The following PTPRT variants were observed in gnomAD, a reference collection of about 807,000 sequenced individuals.
PTPRT encodes the protein receptor-type tyrosine-protein phosphatase T.
PTPRT carries 56 observed loss-of-function variants against 176.8 expected under a neutral mutation model. That is an observed-to-expected ratio of 0.32 (90% CI 0.26 to 0.40). PTPRT has a LOEUF of 0.40. Among genes scored for constraint, PTPRT ranks in the 10% least tolerant of loss-of-function variants. PTPRT has a pLI of 1.00. For synonymous variants in PTPRT, 783 were observed against 739.0 expected, an observed-to-expected ratio of 1.06 and a Z score of -0.96; for missense variants, 1,540 against 1,908.2, an observed-to-expected ratio of 0.81 and a Z score of 3.60.
At chr20:42,147,032 G>A (rs1161461399) in intron 17 of PTPRT, among the ~76,000 whole-genome samples, 2 of 151,968 alleles carry the variant, frequency 1.3e-5, no homozygotes, top group African/African-American at 4.8e-5. Context: ...TGCATCCCCA[G>A]GTAAAGCCAG....
At chr20:42,232,630 T>C (rs2056157346) in intron 15 of PTPRT, among the ~76,000 whole-genome samples, 1 of 150,436 alleles carries the variant, frequency 6.6e-6, no homozygotes, top group Admixed American at 6.6e-5. Flanking sequence ...CTCTCCCTCC[T>C]CCCCCACTCC....
At chr20:42,287,021 C>T (rs775646412) in intron 12 of PTPRT, among the ~76,000 whole-genome samples, 2 of 151,920 alleles carry the variant, frequency 1.3e-5, no homozygotes, top group South Asian at 2.1e-4. Context: ...CAGGGACATG[C>T]CAATTAAAAC....
intron 1 of PTPRT, among the ~76,000 whole-genome samples, chr20:42,949,131 A>G (rs1981071338): frequency 6.6e-6 from 1 of 152,220 alleles, no homozygotes; most frequent in South Asian, 2.1e-4. Flanking sequence ...GGGGAAACTT[A>G]TCTCCAAGAT....
At chr20:42,709,049 A>G (rs1357030878) in intron 6 of PTPRT, among the ~76,000 whole-genome samples, 1 of 152,200 alleles carries the variant, frequency 6.6e-6, no homozygotes. Flanking sequence ...TCCAAATACT[A>G]CATGGTGTAA....
In PTPRT at chr20:43,044,575, C is replaced by T. The variant is rs115991628; in HGVS notation, c.88+145071G>A. Among the ~76,000 whole-genome samples the T allele has an allele frequency of 2.4e-3, 358 of 152,264 alleles. 1 individual carries two copies. The highest frequency in any genetic ancestry group is 7.9e-3 in the African/African-American group (327 of 41,560). ...AACACAGATGGCATGGATTCAAGTCCGGCCTCAGCACCTCCCTGCCGCATG... is the reference window on the plus strand; with the variant it reads ...AACACAGATGGCATGGATTCAAGTCTGGCCTCAGCACCTCCCTGCCGCATG... On this transcript the variant is annotated intron_variant, in intron 1 of 30. Coordinates refer to ENST00000373187, the MANE Select transcript of PTPRT (RefSeq NM_007050.6).
intron 16 of PTPRT, among the ~76,000 whole-genome samples, chr20:42,194,855 A>G (rs1416939934): frequency 6.6e-6 from 1 of 152,212 alleles, no homozygotes; most frequent in Non-Finnish European, 1.5e-5. Context: ...CCTATACAAT[A>G]TTAGAAGGTT....
chr20:42,082,196 T>C (rs927198039), intron 29 of PTPRT, among the ~76,000 whole-genome samples, 179 bp from the exon 30 acceptor site: 1 of 152,234 alleles, frequency 6.6e-6, no homozygotes, highest in African/African-American at 2.4e-5. Context: ...TGCCATTAAC[T>C]TGCTTTGACC....
At chr20:42,530,266 G>A (rs2072357658) in intron 7 of PTPRT, among the ~76,000 whole-genome samples, 1 of 152,204 alleles carries the variant, frequency 6.6e-6, no homozygotes, top group African/African-American at 2.4e-5. Flanking sequence ...TTCTTTCACA[G>A]AAAGTGGGTC....
chr20:42,469,593 G>A (rs1333378067), intron 8 of PTPRT, among the ~76,000 whole-genome samples: 5 of 152,174 alleles, frequency 3.3e-5, no homozygotes, highest in Admixed American at 3.3e-4. Flanking sequence ...TACATTGTCT[G>A]ACAGCGCACA....
At chr20:43,153,298 A>C (rs960787455) in intron 1 of PTPRT, among the ~76,000 whole-genome samples, 1 of 152,260 alleles carries the variant, frequency 6.6e-6, no homozygotes, top group Non-Finnish European at 1.5e-5. Flanking sequence ...GTCAGAAAGG[A>C]TACACACAGA....
chr20:43,154,711 C>T (rs888214896), intron 1 of PTPRT, among the ~76,000 whole-genome samples: 2 of 152,066 alleles, frequency 1.3e-5, no homozygotes, highest in East Asian at 1.9e-4. Context: ...GGAATTGCAT[C>T]GAACTAAAAA....
chr20:42,044,213 T>C, the PTPRT span, among the ~76,000 whole-genome samples: 1 of 152,252 alleles, frequency 6.6e-6, no homozygotes, highest in Admixed American at 6.5e-5. Flanking sequence ...AGTTGGACTC[T>C]GTGGGCAGCT....
chr20:43,126,935 GA>G (rs1264420292), intron 1 of PTPRT, among the ~76,000 whole-genome samples: 1 of 152,126 alleles, frequency 6.6e-6, no homozygotes, highest in African/African-American at 2.4e-5. Context: ...CATCGAAACG[GA>G]ATCAACTGCA....
At chr20:42,791,144 T>C (rs1329615278) in intron 3 of PTPRT, 51 bp downstream of exon 3, 1 of 1,529,550 alleles carries the variant, frequency 6.5e-7, no homozygotes, top group African/African-American at 1.4e-5. Context: ...AGCAAAGGTG[T>C]ATAGATTTAT....
chr20:42,384,552 C>T (rs749449403), intron 9 of PTPRT, among the ~76,000 whole-genome samples: 33 of 152,288 alleles, frequency 2.2e-4, no homozygotes, highest in Non-Finnish European at 4.7e-4. Context: ...TATTGTAAAT[C>T]ATGTTGCAAT....
intron 9 of PTPRT, among the ~76,000 whole-genome samples, chr20:42,400,961 C>A (rs116972581): frequency 1.3e-5 from 2 of 151,792 alleles, no homozygotes; most frequent in Non-Finnish European, 2.9e-5. Context: ...GATTTAGTGG[C>A]CAGATGTGGG....
intron 9 of PTPRT, among the ~76,000 whole-genome samples, chr20:42,380,261 G>A (rs940942598): frequency 3.3e-5 from 5 of 151,864 alleles, no homozygotes; most frequent in Admixed American, 2.0e-4. Flanking sequence ...TCTAAATCAC[G>A]CTGCCACCTT....
At chr20:42,830,727 C>A (rs1350946231) in intron 2 of PTPRT, among the ~76,000 whole-genome samples, 1 of 152,188 alleles carries the variant, frequency 6.6e-6, no homozygotes, top group Non-Finnish European at 1.5e-5. Flanking sequence ...ATGAAAATCA[C>A]TAGCATTTCT....
chr20:42,080,861 G>A lies in PTPRT; in HGVS notation c.*18C>T, dbSNP rs766594842. 10 of 1,602,152 alleles carry A rather than the reference G, an allele frequency of 6.2e-6. No individual in the cohort carries two copies. The highest frequency in any genetic ancestry group is 1.7e-5 in the Admixed American group (1 of 59,934). On this transcript the variant is annotated 3_prime_UTR_variant, in exon 31 of 31. Coordinates refer to ENST00000373187, the MANE Select transcript of PTPRT (RefSeq NM_007050.6). ...CACAGCAGCCTCTGGACTCCGGCAG[G>A]TTCCCCATCCCATTGAGCTAAAAGG...
Sources: gnomAD v4.1 joint callset for allele counts (sites outside exome capture counted in the v4.1 genomes callset) on GRCh38, gnomAD v4.1.1 for gene constraint, MANE v1.5 for transcripts, NCBI Gene and HGNC (gene_info 2026-07-23, HGNC 2026-07-21) for gene names.